B3GLCT: variants seen among roughly 807,000 people sequenced by gnomAD.
B3GLCT encodes the protein beta-1,3-glucosyltransferase.
A neutral mutation model predicts 63.4 loss-of-function variants in B3GLCT; 65 were observed. The ratio of observed to expected loss-of-function variants is 1.03; its 90% CI spans 0.84 to 1.26. B3GLCT has a LOEUF of 1.26. Among genes scored for constraint, B3GLCT ranks in the 50% most tolerant of loss-of-function variants. The pLI, the probability that B3GLCT is intolerant of heterozygous loss-of-function variation, is 0.00. For missense variants in B3GLCT, 577 were observed against 604.8 expected, an observed-to-expected ratio of 0.95 and a Z score of 0.48; for synonymous variants, 233 against 219.2, an observed-to-expected ratio of 1.06 and a Z score of -0.55.
At chr13:31,237,172 A>T (rs1443067721) in intron 4 of B3GLCT, among the ~76,000 whole-genome samples, 1 of 152,028 alleles carries the variant, frequency 6.6e-6, no homozygotes, top group Non-Finnish European at 1.5e-5. Context: ...CTGACAGCTA[A>T]CGTAGGGTCT....
chr13:31,200,134 C>T lies in B3GLCT; in HGVS notation c.50C>T (p.Ala17Val), dbSNP rs1442668262. The change falls in exon 1 of 15, where the codon GCG (alanine) becomes GTG (valine). Residue 17 changes from alanine to valine, a missense_variant. Transcript: ENST00000343307. ...CTGCTCGCGCCGCCGGCGCTGCTCG[C>T]GCTCCTCACCTGCTCCCTGGGTAAG... ...WWLLAPPALL[A>V]LLTCSLAFGL... is the part of the protein sequence containing the mutation. The T allele has an allele frequency of 7.3e-7, 1 of 1,366,972 alleles. No homozygotes were observed. The highest frequency in any genetic ancestry group is 2.6e-5 in the Admixed American group (1 of 37,936). The allele number at this position is 1,366,972 out of a possible 1,614,324, so 84.7% of individuals were successfully genotyped here.
At chr13:31,200,609 C>G (rs1373141860) in intron 1 of B3GLCT, among the ~76,000 whole-genome samples, 3 of 151,576 alleles carry the variant, frequency 2.0e-5, no homozygotes, top group Non-Finnish European at 4.4e-5. Flanking sequence ...CGCCCCGCGC[C>G]GGGCGGGAGG....
intron 12 of B3GLCT, among the ~76,000 whole-genome samples, chr13:31,293,949 T>A (rs1304539764): frequency 6.6e-6 from 1 of 152,226 alleles, no homozygotes; most frequent in African/African-American, 2.4e-5. Flanking sequence ...TGGTACCGCT[T>A]TTTCCTTTCC....
rs190699564 is a variant in B3GLCT at position 31,209,200 on chromosome 13, A to T, written c.71-5851A>T. ...CCAGCTTGTCTGCTACTGTGGGGACAGGGGACAGTGGATTTGTCCCAGTAG... is the reference window on the plus strand; with the variant it reads ...CCAGCTTGTCTGCTACTGTGGGGACTGGGGACAGTGGATTTGTCCCAGTAG... On this transcript the variant is annotated intron_variant, in intron 1 of 14. Coordinates refer to ENST00000343307, the MANE Select transcript of B3GLCT (RefSeq NM_194318.4). 1.7e-3 allele frequency among the ~76,000 whole-genome samples: 258 copies of T among 152,340 alleles called. 1 individual carries two copies. The highest frequency in any genetic ancestry group is 6.0e-3 in the African/African-American group (250 of 41,586).
chr13:31,215,908 A>T (rs1869538413), intron 2 of B3GLCT, among the ~76,000 whole-genome samples: 1 of 152,184 alleles, frequency 6.6e-6, no homozygotes, highest in Non-Finnish European at 1.5e-5. Context: ...AAGCTAGGCC[A>T]GGGGACTCGC....
chr13:31,237,238 A>G (rs902506334), intron 4 of B3GLCT, among the ~76,000 whole-genome samples: 7 of 152,304 alleles, frequency 4.6e-5, no homozygotes, highest in African/African-American at 1.4e-4. Flanking sequence ...CTAAATGAAA[A>G]TAGAGAAATA....
intron 4 of B3GLCT, among the ~76,000 whole-genome samples, chr13:31,235,587 C>T (rs189641800): frequency 1.1e-3 from 164 of 152,202 alleles, no homozygotes; most frequent in African/African-American, 3.9e-3. Context: ...CTCAGACTGC[C>T]TGACTAATTG....
rs192224119 is a variant in B3GLCT at position 31,295,571 on chromosome 13, G to T, written c.1064+8752G>T. The stretch of plus-strand genomic sequence containing the variant: ...ACAGCAGCTTTGCCTAGCTGTGGTG[G>T]CCTCCACCCAGTTAGAACTTTTAGA... On this transcript the variant is annotated intron_variant, in intron 12 of 14. Coordinates refer to ENST00000343307, the MANE Select transcript of B3GLCT (RefSeq NM_194318.4). Among the ~76,000 whole-genome samples, 912 of 152,300 alleles carry T rather than the reference G, an allele frequency of 6.0e-3. 14 individuals are homozygous for T. Among genetic ancestry groups the T allele is most frequent in the African/African-American group, 0.021 (867 of 41,550 alleles).
chr13:31,233,250 A>G (rs886996787), intron 4 of B3GLCT, among the ~76,000 whole-genome samples: 1 of 152,194 alleles, frequency 6.6e-6, no homozygotes, highest in Non-Finnish European at 1.5e-5. Context: ...GAAACCGCAG[A>G]GTTTAGGAAG....
At chr13:31,207,162 G>C (rs1869002720) in intron 1 of B3GLCT, among the ~76,000 whole-genome samples, 1 of 152,116 alleles carries the variant, frequency 6.6e-6, no homozygotes, top group Non-Finnish European at 1.5e-5. Context: ...TACTTTTAAA[G>C]ACCTACTTCT....
At chr13:31,316,434 T>TATATATATATATATA (rs1566096071) in intron 12 of B3GLCT, among the ~76,000 whole-genome samples, 60 of 110,786 alleles carry the variant, frequency 5.4e-4, no homozygotes, top group East Asian at 9.0e-4. Flanking sequence ...TATATATAAA[T>TATATATATATATATA]TTTTTTTTTT....
At chr13:31,297,983 CTT>C (rs2137901778) in intron 12 of B3GLCT, among the ~76,000 whole-genome samples, 1 of 152,278 alleles carries the variant, frequency 6.6e-6, no homozygotes, top group African/African-American at 2.4e-5. Context: ...AGCCTGCTCT[CTT>C]GGGGTTTATG....
intron 1 of B3GLCT, among the ~76,000 whole-genome samples, chr13:31,208,619 GCCC>G (rs11377541): frequency 4.2e-5 from 3 of 71,006 alleles, no homozygotes; most frequent in Non-Finnish European, 5.7e-5. Flanking sequence ...TTCTTTAGTG[GCCC>G]CCCCCCCCCG....
intron 12 of B3GLCT, among the ~76,000 whole-genome samples, chr13:31,289,914 T>C (rs1372180087): frequency 6.6e-6 from 1 of 151,972 alleles, no homozygotes; most frequent in Non-Finnish European, 1.5e-5. Flanking sequence ...ATATGCAAAA[T>C]GTGCAGGTTT....
intron 1 of B3GLCT, among the ~76,000 whole-genome samples, chr13:31,212,461 G>C (rs1365250944): frequency 6.6e-6 from 1 of 151,964 alleles, no homozygotes; most frequent in East Asian, 1.9e-4. Context: ...TTTTAGTAGA[G>C]ATGGGGTTTC....
At chr13:31,323,603 A>C in intron 13 of B3GLCT, 148 bp from the exon 14 acceptor site, 2 of 850,280 alleles carry the variant, frequency 2.4e-6, no homozygotes, top group Non-Finnish European at 3.9e-6. Context: ...GAGAACAGGT[A>C]GGGTTTTACC....
chr13:31,200,230 G>A, intron 1 of B3GLCT, 76 bp downstream of exon 1: 1 of 975,966 alleles, frequency 1.0e-6, no homozygotes, highest in Non-Finnish European at 1.3e-6. Context: ...CCCGGTCGGC[G>A]CGGGGAGGGA....
intron 14 of B3GLCT, among the ~76,000 whole-genome samples, chr13:31,327,570 AG>A (rs955145327): frequency 1.6e-4 from 24 of 152,226 alleles, no homozygotes; most frequent in African/African-American, 4.1e-4. Flanking sequence ...ACCATGGATA[AG>A]GGGGAACTAC....
chr13:31,288,811 T>C (rs1469972979), intron 12 of B3GLCT, among the ~76,000 whole-genome samples: 1 of 151,912 alleles, frequency 6.6e-6, no homozygotes, highest in African/African-American at 2.4e-5. Context: ...CAGATATCAA[T>C]GGAAGGAAAC....
Sources: gnomAD v4.1 joint callset for allele counts (sites outside exome capture counted in the v4.1 genomes callset) on GRCh38, gnomAD v4.1.1 for gene constraint, MANE v1.5 for transcripts, NCBI Gene and HGNC (gene_info 2026-07-23, HGNC 2026-07-21) for gene names.